The following SMOC2 variants were observed in gnomAD, a reference collection of about 807,000 sequenced individuals.
SMOC2 encodes SPARC related modular calcium binding 2.
In SMOC2, 39 loss-of-function variants were observed where a neutral mutation model predicts 61.4. That is an observed-to-expected ratio of 0.64 (90% CI 0.49 to 0.83). The LOEUF is 0.83. Ranked by LOEUF, SMOC2 falls within the 40% of genes least tolerant of loss-of-function variation. The pLI is 0.00. For missense variants in SMOC2, 556 were observed against 592.9 expected, an observed-to-expected ratio of 0.94 and a Z score of 0.65; for synonymous variants, 247 against 239.9, an observed-to-expected ratio of 1.03 and a Z score of -0.27.
At position 168,475,638 on chromosome 6, in the gene SMOC2, C is replaced by T. The variant is rs980079372; in HGVS notation, c.84+34184C>T. On this transcript the variant is annotated intron_variant, in intron 1 of 12. Coordinates refer to ENST00000356284, the MANE Select transcript of SMOC2 (RefSeq NM_001166412.2). The surrounding 1 kb of genome is among the most constrained non-coding windows in gnomAD (Gnocchi z 4.6). ...CAGGAGGGTGAGTCCAGAGCGGGGA[C>T]AGAGGACGAGAACTGAGACCTGCTT... is the stretch of plus-strand genomic sequence containing the variant. Among the ~76,000 whole-genome samples the T allele has an allele frequency of 7.9e-5, 12 of 152,098 alleles. No individual in the cohort carries two copies. The highest frequency in any genetic ancestry group is 2.9e-4 in the African/African-American group (12 of 41,450).
chr6:168,461,149 C>A (rs1781711394), intron 1 of SMOC2, among the ~76,000 whole-genome samples: 1 of 152,204 alleles, frequency 6.6e-6, no homozygotes, highest in Non-Finnish European at 1.5e-5. Context: ...TCCCATCTTA[C>A]ATGGATGGCA....
intron 2 of SMOC2, among the ~76,000 whole-genome samples, chr6:168,522,428 G>A (rs1783349762): frequency 6.6e-6 from 1 of 152,180 alleles, no homozygotes; most frequent in Non-Finnish European, 1.5e-5. Context: ...ATTTACAATA[G>A]CCAAAAGATC....
rs529352182 is a variant in SMOC2, at chr6:168,463,934, T to TA, written c.84+22482dup. On this transcript the variant is annotated intron_variant, in intron 1 of 12. Coordinates refer to ENST00000356284, the MANE Select transcript of SMOC2 (RefSeq NM_001166412.2). ...GGCCAGGTGAGGTGGCTCACACCTG[T>TA]AATCCCAACACTCTGGGAGGCCTAG... Among the ~76,000 whole-genome samples, 44 of 152,248 alleles carry TA rather than the reference T, an allele frequency of 2.9e-4. No individual in the cohort carries two copies. In the East Asian group the frequency reaches 4.1e-3, roughly 14 times the overall value.
chr6:168,664,418 A>C, intron 12 of SMOC2: 1 of 362,950 alleles, frequency 2.8e-6, no homozygotes, highest in South Asian at 2.0e-5. Context: ...TTTTTTTTTA[A>C]GAGAAGGGGT....
intron 2 of SMOC2, among the ~76,000 whole-genome samples, chr6:168,514,656 C>T (rs1452185963): frequency 6.6e-6 from 1 of 152,172 alleles, no homozygotes; most frequent in Non-Finnish European, 1.5e-5. Flanking sequence ...GAAGTTTTTA[C>T]AAGTGATCGC....
At chr6:168,451,721 G>A (rs942142863) in intron 1 of SMOC2, among the ~76,000 whole-genome samples, 9 of 151,992 alleles carry the variant, frequency 5.9e-5, no homozygotes, top group African/African-American at 1.5e-4. Context: ...ATACACGTCC[G>A]TTAAGTTCTT....
intron 1 of SMOC2, among the ~76,000 whole-genome samples, chr6:168,464,369 C>T (rs1211268416): frequency 2.0e-5 from 3 of 152,046 alleles, no homozygotes; most frequent in Admixed American, 6.6e-5. Context: ...TTTTGGATGA[C>T]GCTCCATAAC....
intron 1 of SMOC2, among the ~76,000 whole-genome samples, chr6:168,469,764 G>A (rs978460176): frequency 6.6e-6 from 1 of 152,138 alleles, no homozygotes; most frequent in African/African-American, 2.4e-5. Context: ...GAGGTCCCAC[G>A]TGCAGCCTCG....
intron 1 of SMOC2, among the ~76,000 whole-genome samples, chr6:168,509,637 G>A (rs1384321537): frequency 6.6e-6 from 1 of 152,192 alleles, no homozygotes; most frequent in African/African-American, 2.4e-5. Context: ...CTAGGCACAC[G>A]TGCACCCCCT....
chr6:168,618,568 G>A (rs948044251), intron 9 of SMOC2, among the ~76,000 whole-genome samples: 5 of 151,068 alleles, frequency 3.3e-5, no homozygotes, highest in Non-Finnish European at 7.4e-5. Flanking sequence ...CGAGGGTCGA[G>A]AGGTGGGTAG....
chr6:168,549,281 A>G, intron 7 of SMOC2, 78 bp downstream of exon 7: 1 of 1,376,526 alleles, frequency 7.3e-7, no homozygotes, highest in Admixed American at 1.7e-5. Context: ...TTTTGGAGTT[A>G]AGTGTATTGT....
intron 1 of SMOC2, among the ~76,000 whole-genome samples, chr6:168,466,159 G>A (rs908269532): frequency 2.7e-5 from 4 of 150,362 alleles, no homozygotes; most frequent in African/African-American, 7.4e-5. Flanking sequence ...GGGAGGCTCT[G>A]GATGAAGCAA....
chr6:168,639,448 G>A (rs923242243), intron 9 of SMOC2, among the ~76,000 whole-genome samples: 1 of 152,220 alleles, frequency 6.6e-6, no homozygotes, highest in African/African-American at 2.4e-5. Flanking sequence ...TGATACCTGA[G>A]TAGGATAGGG....
At chr6:168,641,006 C>T (rs559466069) in intron 9 of SMOC2, among the ~76,000 whole-genome samples, 3 of 152,268 alleles carry the variant, frequency 2.0e-5, no homozygotes, top group East Asian at 3.9e-4. Context: ...CTAAGAACGA[C>T]TTAGTTCTCC....
In SMOC2 at chr6:168,535,349, T is replaced by C. The variant is rs1783707368; in HGVS notation, c.463+7622T>C. Among the ~76,000 whole-genome samples, 1 of 152,240 alleles carries C rather than the reference T, an allele frequency of 6.6e-6. No homozygotes were observed. Among genetic ancestry groups the C allele is most frequent in the Non-Finnish European group, 1.5e-5 (1 of 68,054 alleles). On this transcript the variant is annotated intron_variant, in intron 4 of 12. Coordinates refer to ENST00000356284, the MANE Select transcript of SMOC2 (RefSeq NM_001166412.2). This position sits in a 1 kb window ranked among gnomAD's most constrained non-coding sequence, Gnocchi z 4.6. The stretch of plus-strand genomic sequence containing the variant: ...TTTTTTGGACAAATGCTAATTATTT[T>C]ACAGCACCTTTTTTCACTATATGCA...
chr6:168,455,243 G>A (rs994999547), intron 1 of SMOC2, among the ~76,000 whole-genome samples: 5 of 152,332 alleles, frequency 3.3e-5, no homozygotes, highest in East Asian at 1.9e-4. Flanking sequence ...GAGGGCAGCC[G>A]ACTTGGGGTC....
At chr6:168,505,829 C>T (rs2115047508) in intron 1 of SMOC2, among the ~76,000 whole-genome samples, 1 of 152,246 alleles carries the variant, frequency 6.6e-6, no homozygotes, top group South Asian at 2.1e-4. Context: ...GCCCCTCTCC[C>T]ACCTGTCCCC....
chr6:168,448,399 G>A (rs939987092), intron 1 of SMOC2, among the ~76,000 whole-genome samples: 32 of 151,574 alleles, frequency 2.1e-4, no homozygotes, highest in Non-Finnish European at 4.7e-4. Flanking sequence ...GAATGGAGAT[G>A]GGGAGGAGGA....
intron 9 of SMOC2, among the ~76,000 whole-genome samples, chr6:168,626,997 A>T (rs1173463039): frequency 6.6e-6 from 1 of 152,184 alleles, no homozygotes; most frequent in African/African-American, 2.4e-5. Flanking sequence ...GATTCTCAAG[A>T]CAAGGAGCTT....
Sources: gnomAD v4.1 joint callset for allele counts (sites outside exome capture counted in the v4.1 genomes callset) on GRCh38, gnomAD v4.1.1 for gene constraint, Gnocchi (gnomAD v3.1) non-coding constraint, MANE v1.5 for transcripts, NCBI Gene and HGNC (gene_info 2026-07-23, HGNC 2026-07-21) for gene names.